The following CSMD2 variants were observed in gnomAD, a reference collection of about 807,000 sequenced individuals.
CSMD2 encodes the protein CUB and Sushi multiple domains 2.
In CSMD2, 130 loss-of-function variants were observed where a neutral mutation model predicts 398.5. That is an observed-to-expected ratio of 0.33 (90% CI 0.28 to 0.38). The LOEUF (loss-of-function observed/expected upper bound fraction) is 0.38. CSMD2 is among the 10% of genes least tolerant of loss of function. The pLI is 1.00. For missense variants in CSMD2, 3,829 were observed against 4,764.9 expected, an observed-to-expected ratio of 0.80 and a Z score of 5.78; for synonymous variants, 1,828 against 1,908.5, an observed-to-expected ratio of 0.96 and a Z score of 1.10.
At chr1:33,709,429 C>G in intron 21 of CSMD2, 171 bp from the exon 22 acceptor site, 1 of 564,596 alleles carries the variant, frequency 1.8e-6, no homozygotes, top group East Asian at 2.9e-5. Flanking sequence ...GCCTCTCAAA[C>G]TTAAAAAAAA....
intron 62 of CSMD2, among the ~76,000 whole-genome samples, chr1:33,534,968 A>G (rs1041460488): frequency 6.6e-6 from 1 of 152,086 alleles, no homozygotes; most frequent in South Asian, 2.1e-4. Flanking sequence ...AAGTGCATCT[A>G]TTCTCAACTC....
chr1:33,982,243 A>T (rs1403322915), intron 3 of CSMD2, among the ~76,000 whole-genome samples: 1 of 152,048 alleles, frequency 6.6e-6, no homozygotes, highest in African/African-American at 2.4e-5. Flanking sequence ...CTGAGCTGGG[A>T]GCAACAGAGG....
At chr1:34,037,102 T>A (rs915930402) in intron 2 of CSMD2, among the ~76,000 whole-genome samples, 3 of 139,396 alleles carry the variant, frequency 2.2e-5, no homozygotes, top group Admixed American at 7.3e-5. Flanking sequence ...TAAAACACCC[T>A]CTACCAATAA....
At chr1:33,762,088 C>T (rs1649887117) in intron 13 of CSMD2, among the ~76,000 whole-genome samples, 1 of 152,232 alleles carries the variant, frequency 6.6e-6, no homozygotes, top group South Asian at 2.1e-4. Flanking sequence ...GTATGTAGTG[C>T]CTTCCCCGAG....
intron 29 of CSMD2, among the ~76,000 whole-genome samples, chr1:33,642,733 C>T (rs2148935593): frequency 6.6e-6 from 1 of 152,302 alleles, no homozygotes; most frequent in East Asian, 1.9e-4. Context: ...ATAATCATGT[C>T]TCCTTTTTGT....
At chr1:33,958,598 A>C (rs1645246131) in intron 3 of CSMD2, among the ~76,000 whole-genome samples, 1 of 152,188 alleles carries the variant, frequency 6.6e-6, no homozygotes, top group Admixed American at 6.5e-5. Flanking sequence ...GAGGGTTTAG[A>C]GGTTAGAGAC....
rs189604755 is a variant in CSMD2 at position 33,540,228 on chromosome 1, G to A, written c.9631+297C>T. Among the ~76,000 whole-genome samples the A allele has an allele frequency of 2.5e-3, 379 of 151,826 alleles. 2 individuals are homozygous for A. Among genetic ancestry groups the A allele is most frequent in the Non-Finnish European group, 4.7e-3 (320 of 67,940 alleles). ...ATAGCACTGGGAACCCTCAGATCTT[G>A]GAGTACTATTCCATACAGTTAACAA... On this transcript the variant is annotated intron_variant, in intron 60 of 70. Transcript: ENST00000373381.
chr1:33,742,609 G>A (rs1235125928), intron 14 of CSMD2, among the ~76,000 whole-genome samples: 3 of 105,940 alleles, frequency 2.8e-5, no homozygotes, highest in Non-Finnish European at 5.2e-5. Flanking sequence ...CTGTAACCAC[G>A]AGATACAGAA....
chr1:33,600,275 A>G lies in CSMD2; in HGVS notation c.6856+590T>C, dbSNP rs1640125570. ...TGCAAATATGTGCATCATTCCATAG[A>G]TAGGCACAAGTCCACAGAGAACATT... On this transcript the variant is annotated intron_variant, in intron 44 of 70. Coordinates refer to ENST00000373381, the MANE Select transcript of CSMD2 (RefSeq NM_001281956.2). The G allele has an allele frequency of 9.0e-6, 6 of 665,714 alleles. No individual in the cohort carries two copies. In the East Asian group the frequency reaches 1.6e-4, roughly 18 times the overall value. The allele number at this position is 665,714 out of a possible 1,614,324, so 41.2% of individuals were successfully genotyped here.
intron 2 of CSMD2, among the ~76,000 whole-genome samples, chr1:34,086,653 T>G (rs1657922732): frequency 6.6e-6 from 1 of 152,184 alleles, no homozygotes. Flanking sequence ...AGCTGGCCAC[T>G]TCTCATCATG....
intron 21 of CSMD2, among the ~76,000 whole-genome samples, chr1:33,713,437 T>G (rs529675182): frequency 1.4e-4 from 22 of 152,330 alleles, no homozygotes; most frequent in African/African-American, 5.3e-4. Flanking sequence ...TGGCTAACAG[T>G]GAGCATGGAA....
chr1:33,895,699 G>A (rs934352856), intron 5 of CSMD2, among the ~76,000 whole-genome samples: 16 of 152,248 alleles, frequency 1.1e-4, no homozygotes, highest in South Asian at 4.1e-4. Flanking sequence ...TACACTGGCC[G>A]CCCTCCAGAA....
intron 13 of CSMD2, among the ~76,000 whole-genome samples, chr1:33,766,290 T>C (rs1240438634): frequency 6.6e-6 from 1 of 152,142 alleles, no homozygotes; most frequent in African/African-American, 2.4e-5. Flanking sequence ...CTGCTGCCTC[T>C]TGGATGTCTC....
At chr1:34,132,111 T>A (rs1663411563) in intron 1 of CSMD2, among the ~76,000 whole-genome samples, 1 of 151,988 alleles carries the variant, frequency 6.6e-6, no homozygotes, top group Non-Finnish European at 1.5e-5. Flanking sequence ...ACACTTGACC[T>A]GTAAGGAGGA....
intron 6 of CSMD2, among the ~76,000 whole-genome samples, chr1:33,845,642 T>C (rs762621593): frequency 7.9e-5 from 12 of 152,200 alleles, no homozygotes; most frequent in Non-Finnish European, 1.5e-4. Context: ...GGAAAAAACA[T>C]CTCCAAGAAA....
intron 59 of CSMD2, among the ~76,000 whole-genome samples, 199 bp from the exon 60 acceptor site, chr1:33,540,897 G>C (rs1656267488): frequency 6.6e-6 from 1 of 152,128 alleles, no homozygotes. Context: ...TGACAACCCA[G>C]TCCTCTGTTT....
chr1:33,981,500 T>C (rs1470722733), intron 3 of CSMD2, among the ~76,000 whole-genome samples: 1 of 152,222 alleles, frequency 6.6e-6, no homozygotes, highest in African/African-American at 2.4e-5. Flanking sequence ...CTAGGGGCTG[T>C]TTTGAGTACT....
intron 13 of CSMD2, among the ~76,000 whole-genome samples, chr1:33,752,227 A>T (rs867957329): frequency 6.6e-6 from 1 of 152,362 alleles, no homozygotes; most frequent in Non-Finnish European, 1.5e-5. Context: ...TCAGGTTGAA[A>T]TGTAATCCCC....
chr1:33,920,671 A>G (rs879827220), intron 4 of CSMD2, among the ~76,000 whole-genome samples: 9 of 152,080 alleles, frequency 5.9e-5, no homozygotes, highest in Non-Finnish European at 1.2e-4. Flanking sequence ...TTTACTCGGA[A>G]TGAGTTGAGA....
Sources: gnomAD v4.1 joint callset for allele counts (sites outside exome capture counted in the v4.1 genomes callset) on GRCh38, gnomAD v4.1.1 for gene constraint, MANE v1.5 for transcripts, NCBI Gene and HGNC (gene_info 2026-07-23, HGNC 2026-07-21) for gene names.